The following TBX20 variants were observed in gnomAD, a reference collection of about 807,000 sequenced individuals.
The protein encoded by TBX20 is T-box transcription factor 20, also known as T-box transcription factor TBX20.
A neutral mutation model predicts 42.9 loss-of-function variants in TBX20; 8 were observed. That is an observed-to-expected ratio of 0.19 (90% confidence interval 0.11 to 0.34). The LOEUF (loss-of-function observed/expected upper bound fraction) is 0.34. TBX20 is among the 10% of genes least tolerant of loss of function. The pLI, the probability that TBX20 is intolerant of heterozygous loss-of-function variation, is 1.00. For synonymous variants in TBX20, 198 were observed against 222.8 expected (o/e 0.89, Z 0.99); for missense variants, 411 against 566.0 (o/e 0.73, Z 2.78).
intron 6 of TBX20, among the ~76,000 whole-genome samples, chr7:35,211,627 G>C (rs1326341437): frequency 6.6e-6 from 1 of 152,048 alleles, no homozygotes; most frequent in East Asian, 1.9e-4. Context: ...ACAGTCCTCA[G>C]CTTATGATGG....
At chr7:35,234,401 C>T (rs1789923207) in intron 5 of TBX20, among the ~76,000 whole-genome samples, 1 of 152,154 alleles carries the variant, frequency 6.6e-6, no homozygotes, top group Non-Finnish European at 1.5e-5. Flanking sequence ...AATACATACT[C>T]TCAAAACACA....
chr7:35,238,974 C>T (rs569390904), intron 5 of TBX20, among the ~76,000 whole-genome samples: 52 of 152,082 alleles, frequency 3.4e-4, no homozygotes, highest in African/African-American at 1.1e-3. Flanking sequence ...ATTTACAGAG[C>T]ACCTTACAGC....
At chr7:35,213,471 T>C (rs1384363216) in intron 6 of TBX20, among the ~76,000 whole-genome samples, 2 of 152,226 alleles carry the variant, frequency 1.3e-5, no homozygotes, top group African/African-American at 4.8e-5. Context: ...GAATTTTGGA[T>C]GTATGTATTA....
At chr7:35,246,631 T>C (rs192902847) in intron 3 of TBX20, among the ~76,000 whole-genome samples, 112 of 152,268 alleles carry the variant, frequency 7.4e-4, no homozygotes, top group East Asian at 5.8e-4. Context: ...CAAGTGATAC[T>C]GTCAAGCATT....
intron 6 of TBX20, among the ~76,000 whole-genome samples, chr7:35,225,411 G>A (rs1298417712): frequency 6.6e-6 from 1 of 151,780 alleles, no homozygotes; most frequent in Non-Finnish European, 1.5e-5. Flanking sequence ...TTCATACTGA[G>A]TCTTCAAATT....
chr7:35,220,517 T>C (rs535871569), intron 6 of TBX20, among the ~76,000 whole-genome samples: 358 of 152,322 alleles, frequency 2.4e-3, no homozygotes, highest in Admixed American at 4.0e-3. Flanking sequence ...CAGAAACTAC[T>C]TCCTTATCTA....
intron 6 of TBX20, among the ~76,000 whole-genome samples, chr7:35,212,128 C>CGT (rs1343320012): frequency 2.0e-5 from 3 of 152,100 alleles, no homozygotes; most frequent in African/African-American, 7.2e-5. Flanking sequence ...CTTTGTTCCT[C>CGT]GTGTTTCATT....
chr7:35,212,460 A>G (rs541047758), intron 6 of TBX20, among the ~76,000 whole-genome samples: 1 of 152,306 alleles, frequency 6.6e-6, no homozygotes, highest in African/African-American at 2.4e-5. Context: ...CTTTAATTAG[A>G]TACTAGGCAT....
At chr7:35,222,097 T>C (rs1206896203) in intron 6 of TBX20, among the ~76,000 whole-genome samples, 2 of 152,108 alleles carry the variant, frequency 1.3e-5, no homozygotes, top group Non-Finnish European at 2.9e-5. Context: ...ATAATGAAGA[T>C]TAGAGAAAAG....
At chr7:35,253,289 C>T (rs1055828568) in intron 1 of TBX20, among the ~76,000 whole-genome samples, 1 of 152,164 alleles carries the variant, frequency 6.6e-6, no homozygotes, top group African/African-American at 2.4e-5. Flanking sequence ...GACCGACGGG[C>T]CCAGATATAA....
At chr7:35,211,536 G>C (rs1394745724) in intron 6 of TBX20, among the ~76,000 whole-genome samples, 1 of 152,088 alleles carries the variant, frequency 6.6e-6, no homozygotes, top group Non-Finnish European at 1.5e-5. Flanking sequence ...TTCTCTTTCA[G>C]TACAGATGAT....
Position 35,249,627 on chromosome 7 carries a change from A to G in TBX20, c.380+324T>C, listed in dbSNP as rs949123337. On this transcript the variant is annotated intron_variant, in intron 2 of 7. Coordinates refer to ENST00000408931, the MANE Select transcript of TBX20 (RefSeq NM_001077653.2). This position sits in a 1 kb window ranked among gnomAD's most constrained non-coding sequence, Gnocchi z 4.3. ...CCAGGCACAAATTCCTCCTCCTTCC[A>G]GATCCCGACCCTCCACCCGCCAAAC... 1.3e-5 allele frequency among the ~76,000 whole-genome samples: 2 copies of G among 152,176 alleles called. No homozygotes were observed. Among genetic ancestry groups the G allele is most frequent in the African/African-American group, 4.8e-5 (2 of 41,464 alleles).
intron 1 of TBX20, 150 bp from the exon 2 acceptor site, chr7:35,250,353 C>G (rs2128716192): frequency 1.0e-6 from 1 of 984,010 alleles, no homozygotes; most frequent in East Asian, 2.6e-5. Context: ...GACCCATCAT[C>G]ACTGTATAAA....
intron 5 of TBX20, among the ~76,000 whole-genome samples, chr7:35,232,091 T>C (rs1216621766): frequency 6.6e-6 from 1 of 152,202 alleles, no homozygotes; most frequent in African/African-American, 2.4e-5. Flanking sequence ...CAATATGATA[T>C]TGATATACAT....
At position 35,249,331 on chromosome 7, in the gene TBX20, A is replaced by G. The variant is rs1790259449; in HGVS notation, c.381-490T>C. The stretch of plus-strand genomic sequence containing the variant: ...TGCAGGTATTTTCTGTAGTCCCAAG[A>G]GCTAGAGCCACCAAGTTTTGCCAGC... On this transcript the variant is annotated intron_variant, in intron 2 of 7. Coordinates refer to ENST00000408931, the MANE Select transcript of TBX20 (RefSeq NM_001077653.2). The surrounding 1 kb of genome is among the most constrained non-coding windows in gnomAD (Gnocchi z 4.3). Among the ~76,000 whole-genome samples, 1 of 152,134 alleles carries G rather than the reference A, an allele frequency of 6.6e-6. No homozygotes were observed. The highest frequency in any genetic ancestry group is 6.5e-5 in the Admixed American group (1 of 15,274).
At chr7:35,213,918 T>C (rs1584342545) in intron 6 of TBX20, among the ~76,000 whole-genome samples, 2 of 125,098 alleles carry the variant, frequency 1.6e-5, no homozygotes, top group Non-Finnish European at 3.3e-5. Flanking sequence ...GTCTAATGAG[T>C]GATGAGGGTA....
chr7:35,210,146 ACT>A (rs1789470332), intron 6 of TBX20, among the ~76,000 whole-genome samples: 1 of 137,452 alleles, frequency 7.3e-6, no homozygotes, highest in Non-Finnish European at 1.5e-5. Flanking sequence ...ACGGAGTCTC[ACT>A]CTGTCGCCCA....
chr7:35,216,534 T>C (rs1166656568), intron 6 of TBX20, among the ~76,000 whole-genome samples: 6 of 152,292 alleles, frequency 3.9e-5, no homozygotes, highest in Non-Finnish European at 8.8e-5. Flanking sequence ...ACCTGACACA[T>C]AAGTGCTCAA....
chr7:35,212,611 T>C (rs1789517157), intron 6 of TBX20, among the ~76,000 whole-genome samples: 1 of 152,166 alleles, frequency 6.6e-6, no homozygotes, highest in East Asian at 1.9e-4. Context: ...TTTCAAGATA[T>C]TTTAAGTAGG....
Sources: allele counts gnomAD v4.1 joint callset (sites outside exome capture counted in the v4.1 genomes callset), GRCh38; gene constraint gnomAD v4.1.1; non-coding constraint Gnocchi (gnomAD v3.1); transcripts MANE v1.5; gene names NCBI Gene and HGNC (gene_info 2026-07-23, HGNC 2026-07-21).